SORCS3: variants seen among roughly 807,000 people sequenced by gnomAD.
SORCS3 encodes sortilin related VPS10 domain containing receptor 3.
Under a neutral mutation model 146.3 loss-of-function variants are expected in SORCS3, and 57 were observed. That is an observed-to-expected ratio of 0.39 (90% confidence interval 0.31 to 0.49). The LOEUF (loss-of-function observed/expected upper bound fraction) is 0.49, where lower values mean the gene tolerates loss of function less well. Among genes scored for constraint, SORCS3 ranks in the 20% least tolerant of loss-of-function variants. The pLI is 0.92. For missense variants in SORCS3, 1,341 were observed against 1,575.5 expected (o/e 0.85, Z 2.52); for synonymous variants, 653 against 618.5 (o/e 1.06, Z -0.83).
intron 1 of SORCS3, among the ~76,000 whole-genome samples, chr10:104,653,661 T>A (rs1237767685): frequency 3.3e-5 from 5 of 152,170 alleles, no homozygotes; most frequent in Admixed American, 2.6e-4. Context: ...ATTTTTAATT[T>A]AAAAAATTGT....
At chr10:104,978,611 G>A (rs1227556330) in intron 4 of SORCS3, among the ~76,000 whole-genome samples, 2 of 152,036 alleles carry the variant, frequency 1.3e-5, no homozygotes, top group South Asian at 2.1e-4. Context: ...TCAATCATGG[G>A]ATCTAATACC....
At chr10:105,193,266 G>GC (rs1205551490) in intron 14 of SORCS3, among the ~76,000 whole-genome samples, 1 of 152,142 alleles carries the variant, frequency 6.6e-6, no homozygotes, top group Admixed American at 6.6e-5. Flanking sequence ...GCCTGAGATT[G>GC]TTTCTGTCCT....
chr10:105,205,050 T>C (rs1299880438), intron 16 of SORCS3, among the ~76,000 whole-genome samples: 1 of 152,142 alleles, frequency 6.6e-6, no homozygotes, highest in Admixed American at 6.5e-5. Context: ...TTAGTACCAG[T>C]GATTATCATG....
At chr10:104,924,003 G>A (rs560184447) in intron 3 of SORCS3, among the ~76,000 whole-genome samples, 1 of 152,292 alleles carries the variant, frequency 6.6e-6, no homozygotes, top group South Asian at 2.1e-4. Context: ...GAAACTCTAT[G>A]ATGTTGGCAC....
At chr10:104,927,982 G>A (rs548587928) in intron 3 of SORCS3, among the ~76,000 whole-genome samples, 2 of 152,282 alleles carry the variant, frequency 1.3e-5, no homozygotes, top group South Asian at 2.1e-4. Context: ...CTGGTAAAAG[G>A]TAGAGGCAAA....
intron 8 of SORCS3, 83 bp downstream of exon 8, chr10:105,139,569 GT>G: frequency 1.9e-6 from 2 of 1,079,716 alleles, no homozygotes; most frequent in Non-Finnish European, 2.8e-6. Flanking sequence ...CTACTGGGAG[GT>G]TTTATCTGTT....
intron 1 of SORCS3, among the ~76,000 whole-genome samples, chr10:104,731,109 C>T (rs933829897): frequency 3.9e-5 from 6 of 152,190 alleles, no homozygotes; most frequent in Non-Finnish European, 7.3e-5. Flanking sequence ...CCAAAGAGAG[C>T]CAGAATCTGT....
chr10:104,644,859 A>G (rs1168544534), intron 1 of SORCS3, among the ~76,000 whole-genome samples: 1 of 152,180 alleles, frequency 6.6e-6, no homozygotes, highest in Admixed American at 6.5e-5. Context: ...ACCCTATGAA[A>G]TTGAAAATTG....
At chr10:104,736,680 T>C (rs1054001427) in intron 1 of SORCS3, among the ~76,000 whole-genome samples, 36 of 152,282 alleles carry the variant, frequency 2.4e-4, no homozygotes, top group African/African-American at 8.7e-4. Context: ...GTTTCCTTTA[T>C]ATTCTCAGCA....
rs551862613 is a variant in SORCS3, at chr10:104,720,694, T to A, written c.627+78740T>A. Among the ~76,000 whole-genome samples, 794 of 152,318 alleles carry A rather than the reference T, an allele frequency of 5.2e-3. 5 individuals are homozygous for A. The highest frequency in any genetic ancestry group is 0.018 in the African/African-American group (736 of 41,574). ...TAACTGGTGTGAGATGGTATCTCAT[T>A]GTGGTTTTGATTTGCATTTCTCTGA... On this transcript the variant is annotated intron_variant, in intron 1 of 26. Transcript: ENST00000369701.
chr10:104,726,050 C>G (rs1020618479), intron 1 of SORCS3, among the ~76,000 whole-genome samples: 1 of 152,246 alleles, frequency 6.6e-6, no homozygotes, highest in Non-Finnish European at 1.5e-5. Context: ...GCAGAAATCA[C>G]CTGTCTTCTG....
chr10:105,180,683 G>C (rs2056437639), intron 14 of SORCS3, among the ~76,000 whole-genome samples: 1 of 151,994 alleles, frequency 6.6e-6, no homozygotes, highest in Admixed American at 6.6e-5. Context: ...TATCTATATT[G>C]ACCACCTGCT....
chr10:104,765,643 T>C (rs1347740808), intron 1 of SORCS3, among the ~76,000 whole-genome samples: 1 of 152,230 alleles, frequency 6.6e-6, no homozygotes, highest in African/African-American at 2.4e-5. Flanking sequence ...GCATAGAATC[T>C]AGATGACCTT....
At chr10:104,779,882 G>A (rs2133491008) in intron 1 of SORCS3, among the ~76,000 whole-genome samples, 1 of 152,330 alleles carries the variant, frequency 6.6e-6, no homozygotes, top group Middle Eastern at 3.4e-3. Flanking sequence ...GGTGAGGGCG[G>A]TGTATGTCAG....
intron 1 of SORCS3, among the ~76,000 whole-genome samples, chr10:104,818,854 A>G (rs944006458): frequency 1.3e-5 from 2 of 152,068 alleles, no homozygotes; most frequent in Admixed American, 1.3e-4. Context: ...TGCACTTCTC[A>G]GTGGGCCTAG....
At position 105,255,733 on chromosome 10, in the gene SORCS3, A is replaced by C; in HGVS notation, c.3269A>C (p.Gln1090Pro). 6.2e-7 allele frequency: 1 copy of C among 1,613,864 alleles called. No individual in the cohort carries two copies. The highest frequency in any genetic ancestry group is 8.5e-7 in the Non-Finnish European group (1 of 1,179,876). ...GAAACACTGTTTAATGCTCTCAACC[A>C]AAATTTGGTCCAGTTTGAGCTGAAG... The part of the protein sequence containing the change: ...IVETLFNALN[Q>P]NLVQFELKPG... The change falls in exon 24 of 27, where the codon CAA (glutamine) becomes CCA (proline). Residue 1090 changes from glutamine to proline, a missense_variant. Coordinates refer to ENST00000369701, the MANE Select transcript of SORCS3 (RefSeq NM_014978.3).
At chr10:105,042,860 T>G (rs1388968928) in intron 4 of SORCS3, among the ~76,000 whole-genome samples, 195 bp from the exon 5 acceptor site, 2 of 152,084 alleles carry the variant, frequency 1.3e-5, no homozygotes, top group Non-Finnish European at 2.9e-5. Context: ...GTTGATTGGA[T>G]GTATATTGAG....
chr10:104,654,491 G>A (rs1266662316), intron 1 of SORCS3, among the ~76,000 whole-genome samples: 1 of 152,174 alleles, frequency 6.6e-6, no homozygotes, highest in Non-Finnish European at 1.5e-5. Context: ...TTGGATATAA[G>A]CCATTTTAAC....
chr10:105,203,012 G>T (rs954791888), intron 16 of SORCS3, among the ~76,000 whole-genome samples: 1 of 152,162 alleles, frequency 6.6e-6, no homozygotes, highest in Non-Finnish European at 1.5e-5. Context: ...CAGAGCAGCT[G>T]CCCCTGAATG....
Sources: allele counts gnomAD v4.1 joint callset (sites outside exome capture counted in the v4.1 genomes callset), GRCh38; gene constraint gnomAD v4.1.1; transcripts MANE v1.5; gene names NCBI Gene and HGNC (gene_info 2026-07-23, HGNC 2026-07-21).